PAPPA: variants seen among roughly 807,000 people sequenced by gnomAD.
The protein encoded by PAPPA is pappalysin 1.
A neutral mutation model predicts 164.0 loss-of-function variants in PAPPA; 60 were observed. The observed-to-expected ratio is 0.37, with a 90% CI of 0.30 to 0.45. The LOEUF (loss-of-function observed/expected upper bound fraction) is 0.45, where lower values mean the gene tolerates loss of function less well. Ranked by LOEUF, PAPPA falls within the 20% of genes least tolerant of loss-of-function variation. PAPPA has a pLI of 1.00. For missense variants in PAPPA, 1,782 were observed against 2,087.3 expected, an observed-to-expected ratio of 0.85 and a Z score of 2.85; for synonymous variants, 875 against 814.1, an observed-to-expected ratio of 1.07 and a Z score of -1.27.
At chr9:116,304,059 A>G (rs1446669838) in intron 10 of PAPPA, among the ~76,000 whole-genome samples, 1 of 152,224 alleles carries the variant, frequency 6.6e-6, no homozygotes, top group Non-Finnish European at 1.5e-5. Flanking sequence ...TGAATGAATG[A>G]ATGAATGAGT....
chr9:116,337,366 C>G (rs1196993827), intron 13 of PAPPA, among the ~76,000 whole-genome samples: 2 of 152,074 alleles, frequency 1.3e-5, no homozygotes, highest in Non-Finnish European at 2.9e-5. Context: ...AGGCATTTAC[C>G]AAAACAAGCA....
chr9:116,204,552 T>C lies in PAPPA; in HGVS notation c.1479-2904T>C, dbSNP rs1200190325. Reference sequence around the variant, plus strand: ...GTCTCGGCCTCCGAAGTACTGGGACTACAGGCATGTGCCACCATGCCCAGC... The same window carrying C: ...GTCTCGGCCTCCGAAGTACTGGGACCACAGGCATGTGCCACCATGCCCAGC... On this transcript the variant is annotated intron_variant, in intron 2 of 21. Coordinates refer to ENST00000328252, the MANE Select transcript of PAPPA (RefSeq NM_002581.5). Among the ~76,000 whole-genome samples the C allele has an allele frequency of 3.3e-5, 5 of 152,286 alleles. No individual in the cohort carries two copies. The East Asian group carries it at 5.8e-4, about 18-fold the overall frequency.
chr9:116,281,229 G>A (rs1443058105), intron 9 of PAPPA, among the ~76,000 whole-genome samples: 2 of 152,126 alleles, frequency 1.3e-5, no homozygotes, highest in African/African-American at 2.4e-5. Context: ...AGAGACCAAT[G>A]CTTCGAAGAT....
chr9:116,300,680 A>G (rs749250875), intron 9 of PAPPA, among the ~76,000 whole-genome samples: 2 of 152,146 alleles, frequency 1.3e-5, no homozygotes, highest in African/African-American at 2.4e-5. Flanking sequence ...CCTGAATCCA[A>G]TGACTCTTCT....
intron 2 of PAPPA, among the ~76,000 whole-genome samples, chr9:116,196,166 T>C (rs1844101381): frequency 1.3e-5 from 2 of 152,172 alleles, no homozygotes; most frequent in Non-Finnish European, 2.9e-5. Flanking sequence ...TCTCAAAGTT[T>C]ACAGATAAAA....
chr9:116,353,828 T>G, intron 17 of PAPPA, 35 bp downstream of exon 17: 7 of 1,536,376 alleles, frequency 4.6e-6, no homozygotes, highest in East Asian at 2.3e-5. Flanking sequence ...GATACCATGG[T>G]CCCTTTCCTT....
chr9:116,298,708 T>C (rs143916192), intron 9 of PAPPA, among the ~76,000 whole-genome samples: 26 of 152,322 alleles, frequency 1.7e-4, no homozygotes, highest in African/African-American at 6.3e-4. Flanking sequence ...TGAAAGTGTA[T>C]TATGTTTTCA....
intron 13 of PAPPA, among the ~76,000 whole-genome samples, 153 bp from the exon 14 acceptor site, chr9:116,344,390 A>G (rs1433221474): frequency 6.6e-6 from 1 of 152,200 alleles, no homozygotes; most frequent in Non-Finnish European, 1.5e-5. Context: ...CGCTGCCTCT[A>G]GAGTCATCTT....
In PAPPA at chr9:116,271,258, C is replaced by G; in HGVS notation, c.2862-67C>G. On this transcript the variant is annotated intron_variant, in intron 8 of 21. Coordinates refer to ENST00000328252, the MANE Select transcript of PAPPA (RefSeq NM_002581.5). The surrounding 1 kb of genome is among the most constrained non-coding windows in gnomAD (Gnocchi z 4.2). ...TGAAGGTTCATGGCCCAGGGAGGGA[C>G]TTTTCCATGTCCAGCCATGGTTTTA... The G allele has an allele frequency of 8.9e-7, 1 of 1,127,018 alleles. No homozygotes were observed. 69.8% of individuals were successfully genotyped at this position (1,127,018 alleles called of 1,614,324 possible). A position where few individuals can be genotyped will look rare whatever the true frequency, so the allele number is the denominator to read the frequency against.
At chr9:116,386,156 C>T (rs1017847236) in intron 21 of PAPPA, among the ~76,000 whole-genome samples, 3 of 152,148 alleles carry the variant, frequency 2.0e-5, no homozygotes, top group African/African-American at 4.8e-5. Flanking sequence ...ACTTTGCCAT[C>T]ATTATTTCAG....
chr9:116,291,527 A>C (rs1217646597), intron 9 of PAPPA, among the ~76,000 whole-genome samples: 6 of 152,166 alleles, frequency 3.9e-5, no homozygotes, highest in Admixed American at 3.9e-4. Context: ...AGATTCTAAA[A>C]CTCCAAAATA....
intron 9 of PAPPA, among the ~76,000 whole-genome samples, chr9:116,296,093 T>C (rs1341002662): frequency 6.6e-6 from 1 of 152,218 alleles, no homozygotes; most frequent in East Asian, 1.9e-4. Flanking sequence ...TTCTTAGTGT[T>C]AGCTGGGCAT....
rs1030605684 is a variant in PAPPA, at chr9:116,178,200, G to T, written c.416-8954G>T. Among the ~76,000 whole-genome samples the T allele has an allele frequency of 2.0e-5, 3 of 152,130 alleles. No homozygotes were observed. The East Asian group carries it at 5.8e-4, about 29-fold the overall frequency. On this transcript the variant is annotated intron_variant, in intron 1 of 21. Coordinates refer to ENST00000328252, the MANE Select transcript of PAPPA (RefSeq NM_002581.5). ...CGGCTTACTGCAATCTCTGCCTCCTGGGTTCAAGTGATTCTCCTGCCTTAG... is the reference window on the plus strand; with the variant it reads ...CGGCTTACTGCAATCTCTGCCTCCTTGGTTCAAGTGATTCTCCTGCCTTAG...
At chr9:116,277,733 G>A (rs1374738634) in intron 9 of PAPPA, among the ~76,000 whole-genome samples, 2 of 152,080 alleles carry the variant, frequency 1.3e-5, no homozygotes, top group African/African-American at 4.8e-5. Context: ...CTGGGGTGCA[G>A]CAGCATGATC....
intron 11 of PAPPA, 57 bp from the exon 12 acceptor site, chr9:116,332,276 C>T (rs1194095083): frequency 5.3e-6 from 8 of 1,519,858 alleles, no homozygotes; most frequent in Admixed American, 1.7e-5. Context: ...AATGTGGCTG[C>T]CTCCCCACCA....
intron 8 of PAPPA, among the ~76,000 whole-genome samples, chr9:116,267,922 A>G (rs913272867): frequency 2.0e-5 from 3 of 151,620 alleles, no homozygotes; most frequent in Non-Finnish European, 4.4e-5. Flanking sequence ...AATGGCATTA[A>G]AAAAATATTG....
intron 2 of PAPPA, among the ~76,000 whole-genome samples, chr9:116,202,566 G>A (rs1163940789): frequency 6.6e-6 from 1 of 152,134 alleles, no homozygotes; most frequent in Non-Finnish European, 1.5e-5. Context: ...TGCATGGGTT[G>A]TGTAGGAAGA....
chr9:116,371,580 T>C (rs952023764), intron 19 of PAPPA, among the ~76,000 whole-genome samples: 29 of 152,162 alleles, frequency 1.9e-4, no homozygotes, highest in Non-Finnish European at 4.0e-4. Context: ...TGAAGTTCTT[T>C]TCTACTTTTC....
At chr9:116,262,190 C>A (rs1845010714) in intron 7 of PAPPA, among the ~76,000 whole-genome samples, 2 of 117,816 alleles carry the variant, frequency 1.7e-5, no homozygotes, top group Admixed American at 1.0e-4. Flanking sequence ...GGTGACAGAG[C>A]AAGACTGTCT....
Sources: gnomAD v4.1 joint callset for allele counts (sites outside exome capture counted in the v4.1 genomes callset) on GRCh38, gnomAD v4.1.1 for gene constraint, Gnocchi (gnomAD v3.1) non-coding constraint, MANE v1.5 for transcripts, NCBI Gene and HGNC (gene_info 2026-07-23, HGNC 2026-07-21) for gene names.